The following MCTP2 variants were observed in gnomAD, a reference collection of about 807,000 sequenced individuals.
MCTP2 encodes multiple C2 and transmembrane domain-containing protein 2.
MCTP2 carries 132 observed loss-of-function variants against 111.6 expected under a neutral mutation model. The observed-to-expected ratio is 1.18, with a 90% confidence interval of 1.03 to 1.37. The LOEUF (loss-of-function observed/expected upper bound fraction) is 1.37. Among genes scored for constraint, MCTP2 ranks in the 40% most tolerant of loss-of-function variants. MCTP2 has a pLI of 0.00. For synonymous variants in MCTP2, 395 were observed against 387.7 expected (o/e 1.02, Z -0.22); for missense variants, 1,183 against 1,067.9 (o/e 1.11, Z -1.50).
intron 2 of MCTP2, among the ~76,000 whole-genome samples, chr15:94,311,543 C>A (rs28464874): frequency 6.6e-6 from 1 of 152,070 alleles, no homozygotes; most frequent in Non-Finnish European, 1.5e-5. Flanking sequence ...TGTCCCCCAG[C>A]GGCTGTAACT....
chr15:94,418,869 ATGTAT>A (rs2082492841), intron 17 of MCTP2, among the ~76,000 whole-genome samples: 1 of 152,154 alleles, frequency 6.6e-6, no homozygotes, highest in South Asian at 2.1e-4. Flanking sequence ...ATGTCCATTA[ATGTAT>A]TCTAAAGAGG....
intron 19 of MCTP2, among the ~76,000 whole-genome samples, chr15:94,454,919 C>A (rs1215032985): frequency 6.6e-6 from 1 of 152,164 alleles, no homozygotes; most frequent in African/African-American, 2.4e-5. Flanking sequence ...CTCCCAGGTT[C>A]AAGCGATTCT....
chr15:94,388,313 C>T (rs976757775), intron 14 of MCTP2, among the ~76,000 whole-genome samples: 4 of 152,184 alleles, frequency 2.6e-5, no homozygotes, highest in African/African-American at 9.7e-5. Context: ...TAAGATGCTT[C>T]GGCTGCTGCT....
At chr15:94,321,435 T>A (rs1250854882) in intron 4 of MCTP2, among the ~76,000 whole-genome samples, 1 of 152,212 alleles carries the variant, frequency 6.6e-6, no homozygotes, top group African/African-American at 2.4e-5. Flanking sequence ...TTATTATTAA[T>A]AAAGATGTAT....
chr15:94,244,712 A>T (rs2071613941), intron 1 of MCTP2, among the ~76,000 whole-genome samples: 1 of 149,278 alleles, frequency 6.7e-6, no homozygotes, highest in Non-Finnish European at 1.5e-5. Flanking sequence ...ATACATATGC[A>T]CCTATGTTTA....
At chr15:94,380,798 A>G (rs528443346) in intron 12 of MCTP2, among the ~76,000 whole-genome samples, 4 of 152,294 alleles carry the variant, frequency 2.6e-5, no homozygotes, top group Non-Finnish European at 5.9e-5. Flanking sequence ...TATCAAATGA[A>G]TGATATGACA....
At chr15:94,310,634 GC>G (rs1483308944) in intron 2 of MCTP2, among the ~76,000 whole-genome samples, 1 of 151,370 alleles carries the variant, frequency 6.6e-6, no homozygotes, top group Non-Finnish European at 1.5e-5. Context: ...CTGTGAGAAG[GC>G]ATCTCTATAA....
intron 12 of MCTP2, among the ~76,000 whole-genome samples, chr15:94,382,105 G>C (rs934500123): frequency 2.0e-5 from 3 of 152,228 alleles, no homozygotes; most frequent in Non-Finnish European, 4.4e-5. Context: ...GGAGGCCCTT[G>C]CATCGGTCTT....
chr15:94,467,138 T>C (rs2073413787), intron 20 of MCTP2, among the ~76,000 whole-genome samples: 3 of 152,174 alleles, frequency 2.0e-5, no homozygotes, highest in Non-Finnish European at 1.5e-5. Context: ...TTATTCCTGT[T>C]TTAGAGATGG....
At chr15:94,247,219 T>C (rs935264963) in intron 1 of MCTP2, among the ~76,000 whole-genome samples, 1 of 152,136 alleles carries the variant, frequency 6.6e-6, no homozygotes, top group Non-Finnish European at 1.5e-5. Context: ...ATTGAGACAT[T>C]TGGATCAGTT....
intron 22 of MCTP2, 70 bp downstream of exon 22, chr15:94,476,863 A>T: frequency 1.1e-6 from 1 of 884,870 alleles, no homozygotes; most frequent in Non-Finnish European, 1.9e-6. Flanking sequence ...AGCCAGAGGA[A>T]CACAAGGCTT....
chr15:94,309,383 A>G (rs916472586), intron 2 of MCTP2, among the ~76,000 whole-genome samples: 1 of 152,212 alleles, frequency 6.6e-6, no homozygotes, highest in African/African-American at 2.4e-5. Context: ...GGCAGTTTTT[A>G]AAGAGAATAC....
intron 1 of MCTP2, among the ~76,000 whole-genome samples, chr15:94,295,853 C>T (rs752832742): frequency 4.0e-5 from 6 of 151,234 alleles, no homozygotes; most frequent in Admixed American, 6.6e-5. Context: ...AGTTCGAGGC[C>T]GCAGTGAGCT....
In MCTP2 at chr15:94,440,183, T is replaced by A; in HGVS notation, c.2093T>A (p.Leu698Ter). 6.2e-7 allele frequency: 1 copy of A among 1,614,060 alleles called. No homozygotes were observed. Among genetic ancestry groups the A allele is most frequent in the Middle Eastern group, 1.7e-4 (1 of 6,044 alleles). The change falls in exon 18 of 23, where the codon TTG becomes TAG. Residue 698 changes from leucine (L) to a stop codon, truncating the protein, a stop_gained. Coordinates refer to ENST00000357742, the MANE Select transcript of MCTP2 (RefSeq NM_001385001.1). LOFTEE classifies it high-confidence loss of function. ...LRSTIAFAVF[L>*]ITVWNFELYM... ...TATTTGTCTTTCAATCAGGTATTTTTGATCACTGTCTGGAATTTTGAACTA... is the reference window on the plus strand; with the variant it reads ...TATTTGTCTTTCAATCAGGTATTTTAGATCACTGTCTGGAATTTTGAACTA...
intron 10 of MCTP2, among the ~76,000 whole-genome samples, chr15:94,362,625 C>A (rs575898741): frequency 9.8e-5 from 15 of 152,326 alleles, no homozygotes; most frequent in African/African-American, 3.6e-4. Flanking sequence ...TCCTCCTGTT[C>A]CCTGGCTTCC....
At chr15:94,440,333 C>A in intron 18 of MCTP2, 35 bp downstream of exon 18, 2 of 1,610,934 alleles carry the variant, frequency 1.2e-6, no homozygotes, top group African/African-American at 1.3e-5. Context: ...CATTTGACTG[C>A]CGAGAAATGT....
intron 12 of MCTP2, among the ~76,000 whole-genome samples, chr15:94,379,141 C>A (rs116078920): frequency 6.6e-6 from 1 of 151,530 alleles, no homozygotes; most frequent in South Asian, 2.1e-4. Flanking sequence ...CAACCTATTC[C>A]CCGTGCAAAG....
At chr15:94,246,486 C>G (rs1197189031) in intron 1 of MCTP2, among the ~76,000 whole-genome samples, 1 of 152,246 alleles carries the variant, frequency 6.6e-6, no homozygotes, top group Non-Finnish European at 1.5e-5. Context: ...GGCTGATGCT[C>G]TTGTTGTTTG....
intron 2 of MCTP2, among the ~76,000 whole-genome samples, chr15:94,311,029 T>TTA (rs1555449862): frequency 1.6e-4 from 24 of 149,610 alleles, no homozygotes; most frequent in African/African-American, 5.7e-4. Context: ...TTTTTTTTTT[T>TTA]TTTTTTTATT....
Sources: gnomAD v4.1 joint callset for allele counts (sites outside exome capture counted in the v4.1 genomes callset) on GRCh38, gnomAD v4.1.1 for gene constraint, MANE v1.5 for transcripts, NCBI Gene and HGNC (gene_info 2026-07-23, HGNC 2026-07-21) for gene names.